DGKK: variants seen among roughly 807,000 people sequenced by gnomAD.
The protein encoded by DGKK is 142 kDa diacylglycerol kinase.
A neutral mutation model predicts 92.2 loss-of-function variants in DGKK; 35 were observed. The ratio of observed to expected loss-of-function variants is 0.38; its 90% CI spans 0.29 to 0.50. The LOEUF (loss-of-function observed/expected upper bound fraction) is 0.50. DGKK is among the 20% of genes least tolerant of loss of function. The pLI is 0.92. For synonymous variants in DGKK, 368 were observed against 360.6 expected (o/e 1.02, Z -0.23); for missense variants, 910 against 992.2 (o/e 0.92, Z 1.11).
At position 50,388,916 on chromosome X, in the gene DGKK, C is replaced by T. The variant is rs1159842284; in HGVS notation, c.1927-298G>A. Reference sequence around the variant, plus strand: ...GAACAAACAATCTCATATTACATAGCTAGTAAGGAATAAAGCTGGATTCGA... The same window carrying T: ...GAACAAACAATCTCATATTACATAGTTAGTAAGGAATAAAGCTGGATTCGA... On this transcript the variant is annotated intron_variant, in intron 12 of 27. Transcript: ENST00000611977. 5.4e-5 allele frequency among the ~76,000 whole-genome samples: 6 copies of T among 111,993 alleles called. No individual in the cohort carries two copies. The Admixed American group carries it at 5.7e-4, about 11-fold the overall frequency.
chrX:50,396,065 T>C (rs782747435), intron 8 of DGKK, among the ~76,000 whole-genome samples: 3 of 112,188 alleles, frequency 2.7e-5, no homozygotes, highest in Non-Finnish European at 5.6e-5. Context: ...AACTACTAAA[T>C]TATTCATCAT....
chrX:50,441,516 G>A (rs782064398), intron 1 of DGKK, among the ~76,000 whole-genome samples: 14 of 111,627 alleles, frequency 1.3e-4, no homozygotes, highest in African/African-American at 6.5e-5. Context: ...GCAAAATTCC[G>A]TGTATAAAAC....
rs188285595 is a variant in DGKK at position 50,374,837 on chromosome X, C to T, written c.3501+134G>A. 476 of 497,986 alleles carry T rather than the reference C, an allele frequency of 9.6e-4. 1 individual carries two copies. Among genetic ancestry groups the T allele is most frequent in the Non-Finnish European group, 9.1e-4 (263 of 288,485 alleles). 41.0% of individuals were successfully genotyped at this position (497,986 alleles called of 1,213,427 possible). On this transcript the variant is annotated intron_variant, in intron 25 of 27. Coordinates refer to ENST00000611977, the MANE Select transcript of DGKK (RefSeq NM_001013742.4). Reference sequence around the variant, plus strand: ...CAACCAACAACAATCCTAGGTGACACAGTAGGGACTTCCAGGCAAGCACCT... The same window carrying T: ...CAACCAACAACAATCCTAGGTGACATAGTAGGGACTTCCAGGCAAGCACCT...
chrX:50,392,492 G>T (rs1924725683), intron 9 of DGKK, 43 bp from the exon 10 acceptor site: 1 of 1,083,694 alleles, frequency 9.2e-7, no homozygotes, highest in Non-Finnish European at 1.3e-6. Context: ...ATGAACAGCT[G>T]GGTTTTGTAA....
At chrX:50,377,026 G>A (rs1924293464) in intron 22 of DGKK, 108 bp from the exon 23 acceptor site, 1 of 773,500 alleles carries the variant, frequency 1.3e-6, no homozygotes, top group Non-Finnish European at 1.8e-6. Context: ...TGTGGGTACA[G>A]TGGGTAGAGG....
intron 1 of DGKK, among the ~76,000 whole-genome samples, chrX:50,447,324 A>G (rs1327616410): frequency 4.8e-5 from 1 of 20,962 alleles, no homozygotes; most frequent in African/African-American, 1.8e-4. Flanking sequence ...GTGTGTGTGT[A>G]TGTATATATA....
At chrX:50,437,250 A>T (rs908452528) in intron 1 of DGKK, among the ~76,000 whole-genome samples, 1 of 110,631 alleles carries the variant, frequency 9.0e-6, no homozygotes, top group Non-Finnish European at 1.9e-5. Context: ...ACAGTGTTTC[A>T]CCTCCATTTA....
intron 1 of DGKK, among the ~76,000 whole-genome samples, chrX:50,461,104 G>A (rs1247205320): frequency 8.9e-6 from 1 of 111,850 alleles, no homozygotes. Context: ...TTGTATATGG[G>A]AGCAACTGCA....
chrX:50,465,689 GA>G (rs1926883813), intron 1 of DGKK, among the ~76,000 whole-genome samples: 1 of 110,675 alleles, frequency 9.0e-6, no homozygotes, highest in Non-Finnish European at 1.9e-5. Context: ...CACCGCTTTG[GA>G]AAAAAATTCA....
At position 50,386,382 on chromosome X, in the gene DGKK, G is replaced by A. The variant is rs1237967128; in HGVS notation, c.2323C>T (p.Leu775Phe). The change falls in exon 15 of 28, where the codon CTC (leucine) becomes TTC (phenylalanine). Residue 775 changes from leucine (L) to phenylalanine (F), a missense_variant. Physicochemically the swap from Leu to Phe is conservative, Grantham distance 22 (BLOSUM62 0). Coordinates refer to ENST00000611977, the MANE Select transcript of DGKK (RefSeq NM_001013742.4). ...CCTTGTTCAACTTGAAATATGATGA[G>A]TTTCAAGGATTTCTGGAGACTCTGG... Reference protein sequence around the residue: ...KAQSLQKSLKLIIFQVEQALD... With the variant: ...KAQSLQKSLKFIIFQVEQALD... 2 of 1,206,907 alleles carry A rather than the reference G, an allele frequency of 1.7e-6. No homozygotes were observed. Among genetic ancestry groups the A allele is most frequent in the East Asian group, 5.9e-5 (2 of 33,715 alleles).
In DGKK at chrX:50,470,683, G is replaced by T. The variant is rs1927055954; in HGVS notation, c.-5C>A. 1.8e-6 allele frequency: 2 copies of T among 1,098,870 alleles called. No homozygotes were observed. Among genetic ancestry groups the T allele is most frequent in the Admixed American group, 7.1e-5 (2 of 28,287 alleles). 90.6% of individuals were successfully genotyped at this position (1,098,870 alleles called of 1,213,427 possible). A position where few individuals can be genotyped will look rare whatever the true frequency, so the allele number is the denominator to read the frequency against. The stretch of plus-strand genomic sequence containing the variant: ...TGCGGCAGCTCCGCGGTCCATGGCC[G>T]CACACCGCTTCAGGTCTGGGCAGCC... On this transcript the variant is annotated 5_prime_UTR_variant, in exon 1 of 28. Coordinates refer to ENST00000611977, the MANE Select transcript of DGKK (RefSeq NM_001013742.4).
chrX:50,393,324 C>A lies in DGKK; in HGVS notation c.1423G>T (p.Val475Leu). The A allele has an allele frequency of 4.2e-6, 5 of 1,203,187 alleles. No homozygotes were observed. Among genetic ancestry groups the A allele is most frequent in the Non-Finnish European group, 5.6e-6 (5 of 891,119 alleles). ...TCAAGATTCCAGAAGTCTGAAGATA[C>A]TACTAATTGGCCTGACACAACGAAA... ...SDPKGDGQLV[V>L]SSDFWNLDWS... The change falls in exon 9 of 28, where the codon GTA (valine) becomes TTA (leucine). Residue 475 changes from valine to leucine, a missense_variant. Physicochemically the swap from Val to Leu is conservative, Grantham distance 32 (BLOSUM62 1). Coordinates refer to ENST00000611977, the MANE Select transcript of DGKK (RefSeq NM_001013742.4).
chrX:50,387,940 G>A (rs782285298), intron 13 of DGKK, among the ~76,000 whole-genome samples: 3 of 112,379 alleles, frequency 2.7e-5, no homozygotes, highest in Non-Finnish European at 3.8e-5. Context: ...CCAGAAAAGA[G>A]AATTCACTTG....
In DGKK at chrX:50,378,125, G is replaced by A. The variant is rs1486822519; in HGVS notation, c.3084C>T (p.Asn1028=). 14 of 1,207,766 alleles carry A rather than the reference G, an allele frequency of 1.2e-5. No individual in the cohort carries two copies. Among genetic ancestry groups the A allele is most frequent in the Middle Eastern group, 2.3e-4 (1 of 4,344 alleles). ...GATCTCTTGTCAGCATCTGGGCAGC[G>A]TTCTTGTATCTAATTTTGATAAGGC... ...RPGLIKIRYK[N]AAQMLTRDRD... The change falls in exon 22 of 28, where the codon AAC becomes AAT. Residue 1028 remains asparagine (N), a synonymous_variant. Transcript: ENST00000611977.
At chrX:50,461,007 C>G (rs1472377330) in intron 1 of DGKK, among the ~76,000 whole-genome samples, 1 of 110,371 alleles carries the variant, frequency 9.1e-6, no homozygotes, top group African/African-American at 3.3e-5. Flanking sequence ...ATCTCCTTCT[C>G]CAAGGCCAAG....
intron 1 of DGKK, among the ~76,000 whole-genome samples, chrX:50,425,315 G>A (rs1925708839): frequency 9.0e-6 from 1 of 110,646 alleles, no homozygotes; most frequent in South Asian, 3.8e-4. Flanking sequence ...TTGAAAGGTG[G>A]AAGACTTCAT....
In DGKK at chrX:50,373,242, A is replaced by T. The variant is rs186724923; in HGVS notation, c.3502-1408T>A. ...GCCCTACTTCTTCAAGGGGAGGAATAACACCCAAATGAAACAAGCTGTATC... is the reference window on the plus strand; with the variant it reads ...GCCCTACTTCTTCAAGGGGAGGAATTACACCCAAATGAAACAAGCTGTATC... On this transcript the variant is annotated intron_variant, in intron 25 of 27. Coordinates refer to ENST00000611977, the MANE Select transcript of DGKK (RefSeq NM_001013742.4). Among the ~76,000 whole-genome samples, 3 of 112,020 alleles carry T rather than the reference A, an allele frequency of 2.7e-5. No individual in the cohort carries two copies. In the East Asian group the frequency reaches 8.4e-4, roughly 32 times the overall value.
chrX:50,460,896 A>ATT (rs59461560), intron 1 of DGKK, among the ~76,000 whole-genome samples: 1,394 of 101,298 alleles, frequency 0.014, 8 homozygotes, highest in Middle Eastern at 0.031. Context: ...GCCATCACTA[A>ATT]TTTTTTTTTT....
Position 50,403,081 on chromosome X carries a change from A to C in DGKK, c.1288T>G (p.Cys430Gly). 8.3e-7 allele frequency: 1 copy of C among 1,211,090 alleles called. No homozygotes were observed. The change falls in exon 7 of 28, where the codon TGC becomes GGC. Residue 430 changes from cysteine to glycine, a missense_variant. Cys to Gly is a radical substitution (Grantham distance 159). Coordinates refer to ENST00000611977, the MANE Select transcript of DGKK (RefSeq NM_001013742.4). ...CTTACCGTAGAATTACACCACAGGC[A>C]GCGGAAGTCTTGAAGTCTTTGATAA... ...GSYQRLQDFR[C>G]LWCNSTVHDD...
Sources: gnomAD v4.1 joint callset for allele counts (sites outside exome capture counted in the v4.1 genomes callset) on GRCh38, gnomAD v4.1.1 for gene constraint, MANE v1.5 for transcripts, NCBI Gene and HGNC (gene_info 2026-07-23, HGNC 2026-07-21) for gene names.